The following SF3B2 variants were observed in gnomAD, a reference collection of about 807,000 sequenced individuals.
The protein encoded by SF3B2 is splicing factor 3b subunit 2.
Under a neutral mutation model 116.3 loss-of-function variants are expected in SF3B2, and 22 were observed. The ratio of observed to expected loss-of-function variants is 0.19; its 90% CI spans 0.14 to 0.27. The LOEUF is 0.27. Ranked by LOEUF, SF3B2 falls within the 10% of genes least tolerant of loss-of-function variation. The pLI is 1.00. For synonymous variants in SF3B2, 406 were observed against 421.6 expected, an observed-to-expected ratio of 0.96 and a Z score of 0.45; for missense variants, 767 against 1,151.4, an observed-to-expected ratio of 0.67 and a Z score of 4.83.
intron 19 of SF3B2, chr11:66,067,273 T>C (rs932953744): frequency 2.5e-6 from 1 of 392,694 alleles, no homozygotes; most frequent in Non-Finnish European, 5.1e-6. Context: ...ATGAACCCTT[T>C]AGGTCATGGT....
rs769074530 is a variant in SF3B2 at position 66,059,557 on chromosome 11, C to A, written c.1363C>A (p.Arg455Ser). 6.2e-7 allele frequency: 1 copy of A among 1,613,838 alleles called. No homozygotes were observed. The highest frequency in any genetic ancestry group is 8.5e-7 in the Non-Finnish European group (1 of 1,179,990). The change falls in exon 12 of 22, where the codon CGC becomes AGC. Residue 455 changes from arginine to serine, a missense_variant. By Grantham distance (110) the Arg-to-Ser change is moderately radical. Transcript: ENST00000322535. The surrounding 1 kb of genome is among the most constrained non-coding windows in gnomAD (Gnocchi z 5.0). ...EAPKLSKKKL[R>S]RMNRFTVAEL... ...CCCCAAGCTGTCCAAGAAGAAGTTG[C>A]GCCGAATGAACCGCTTCACTGTGGC...
Position 66,056,963 on chromosome 11 carries a change from C to T in SF3B2, c.667+8C>T. ...CTCCTCTGGGTCCTCGAGGTGAGAC[C>T]CTGGAACCGAGGGGAAGGGCAAGGA... is the stretch of plus-strand genomic sequence containing the variant. On this transcript the variant is annotated splice_region_variant and intron_variant, in intron 6 of 21. Coordinates refer to ENST00000322535, the MANE Select transcript of SF3B2 (RefSeq NM_006842.3). 3.8e-6 allele frequency: 6 copies of T among 1,596,542 alleles called. No individual in the cohort carries two copies. The South Asian group carries it at 6.6e-5, about 18-fold the overall frequency.
chr11:66,060,495 C>T (rs955471950), intron 13 of SF3B2, 87 bp from the exon 14 acceptor site: 1 of 1,492,930 alleles, frequency 6.7e-7, no homozygotes, highest in Admixed American at 1.8e-5. Flanking sequence ...TGAGGCTTCC[C>T]ATGATCTCAT....
intron 3 of SF3B2, chr11:66,053,428 C>A: frequency 5.6e-6 from 2 of 355,250 alleles, no homozygotes; most frequent in Non-Finnish European, 1.1e-5. Flanking sequence ...CCTGTAATCC[C>A]ACCACTTCGG....
In SF3B2 at chr11:66,063,418, G is replaced by A; in HGVS notation, c.2104G>A (p.Glu702Lys). Residue 702 changes from glutamate to lysine, a missense_variant, in exon 18 of 22, where the codon GAG (glutamate) becomes AAG (lysine). This residue lies in a region of SF3B2 where 282 missense variants were observed against 568.0 expected (regional missense o/e 0.50). Transcript: ENST00000322535. ...CTTTCAGACCAAGACTGAGGAAGAA[G>A]AGATTGATCGGACCCCTTGGGGGGA... is the stretch of plus-strand genomic sequence containing the variant. Reference protein sequence around the residue: ...AEFQTKTEEEEIDRTPWGELE... With the variant: ...AEFQTKTEEEKIDRTPWGELE... The A allele has an allele frequency of 6.2e-7, 1 of 1,613,454 alleles. No individual in the cohort carries two copies. The highest frequency in any genetic ancestry group is 8.5e-7 in the Non-Finnish European group (1 of 1,179,702).
chr11:66,058,332 C>T lies in SF3B2; in HGVS notation c.893C>T (p.Thr298Ile), dbSNP rs2135044680. 6.2e-7 allele frequency: 1 copy of T among 1,614,066 alleles called. No individual in the cohort carries two copies. Among genetic ancestry groups the T allele is most frequent in the East Asian group, 2.2e-5 (1 of 44,884 alleles). Reference protein sequence around the residue: ...NSQQEEEEMETDARSSLGQSA... With the variant: ...NSQQEEEEMEIDARSSLGQSA... ...CTTACAGAGGAAGAGGAAATGGAAA[C>T]AGATGCTCGCTCGTCCCTGGGCCAG... is the stretch of plus-strand genomic sequence containing the variant. Residue 298 changes from threonine (T) to isoleucine (I), a missense_variant, in exon 9 of 22, where the codon ACA becomes ATA. This residue lies in a region of SF3B2 where 455 missense variants were observed against 537.5 expected (regional missense o/e 0.85). Coordinates refer to ENST00000322535, the MANE Select transcript of SF3B2 (RefSeq NM_006842.3).
intron 19 of SF3B2, among the ~76,000 whole-genome samples, chr11:66,064,043 C>G (rs1857139336): frequency 6.6e-6 from 1 of 152,120 alleles, no homozygotes; most frequent in African/African-American, 2.4e-5. Flanking sequence ...AAGCGCCAGC[C>G]ACAGGATCAT....
At chr11:66,063,269 C>T (rs1031898201) in intron 17 of SF3B2, 131 bp from the exon 18 acceptor site, 2 of 1,055,962 alleles carry the variant, frequency 1.9e-6, no homozygotes, top group Non-Finnish European at 2.7e-6. Flanking sequence ...GTAAGCTCCT[C>T]ACTAGAATTT....
intron 3 of SF3B2, among the ~76,000 whole-genome samples, chr11:66,054,685 T>C (rs1269682270): frequency 2.0e-5 from 3 of 152,182 alleles, no homozygotes; most frequent in African/African-American, 7.2e-5. Context: ...TTCCTGTTTA[T>C]GTAAGTCCTC....
chr11:66,067,449 G>A, intron 19 of SF3B2: 1 of 456,318 alleles, frequency 2.2e-6, no homozygotes, highest in South Asian at 1.5e-5. Context: ...GGCATAGTCT[G>A]GGGTGATAGT....
chr11:66,067,217 C>T lies in SF3B2; in HGVS notation c.2331-729C>T, dbSNP rs1391854406. ...CAAGGAAGAAAAATAAAGAAGGGTA[C>T]TGTGGACAGAGTATAGTGAGGAGGG... On this transcript the variant is annotated intron_variant, in intron 19 of 21. Transcript: ENST00000322535. 5 of 326,694 alleles carry T rather than the reference C, an allele frequency of 1.5e-5. No homozygotes were observed. The Admixed American group carries it at 1.6e-4, about 10-fold the overall frequency. The allele number at this position is 326,694 out of a possible 1,614,324, so 20.2% of individuals were successfully genotyped here.
chr11:66,058,742 G>C (rs760944318), intron 9 of SF3B2, 88 bp from the exon 10 acceptor site: 3 of 1,124,578 alleles, frequency 2.7e-6, no homozygotes, highest in East Asian at 2.4e-5. Context: ...GTTGAACTGT[G>C]GGGGAGAATG....
Position 66,062,998 on chromosome 11 carries a change from C to T in SF3B2, c.1978-11C>T. ...CTAAGGAGTGAACTGATTGTGCTCA[C>T]TGTCTTGCAGAGCTGTTCCTTTGGG... is the stretch of plus-strand genomic sequence containing the variant. On this transcript the variant is annotated splice_polypyrimidine_tract_variant and intron_variant, in intron 16 of 21. Transcript: ENST00000322535. 1.2e-6 allele frequency: 2 copies of T among 1,601,738 alleles called. No homozygotes were observed. The highest frequency in any genetic ancestry group is 1.1e-5 in the South Asian group (1 of 90,040).
intron 19 of SF3B2, chr11:66,065,809 C>A (rs1335995839): frequency 6.6e-6 from 1 of 152,036 alleles, no homozygotes; most frequent in African/African-American, 2.4e-5. Flanking sequence ...TCTTTTAAAT[C>A]TATTCTTTCT....
At chr11:66,053,842 T>C (rs370548203) in intron 3 of SF3B2, 8 of 151,720 alleles carry the variant, frequency 5.3e-5, no homozygotes, top group African/African-American at 2.0e-4. Flanking sequence ...ATACTGCACA[T>C]GTACCCGAAA....
At chr11:66,063,349 A>G in intron 17 of SF3B2, 51 bp from the exon 18 acceptor site, 1 of 1,555,838 alleles carries the variant, frequency 6.4e-7, no homozygotes, top group Non-Finnish European at 8.7e-7. Flanking sequence ...AGCCTGGCAC[A>G]TAATAGGTAC....
At chr11:66,057,497 G>A in intron 7 of SF3B2, 122 bp downstream of exon 7, 1 of 646,724 alleles carries the variant, frequency 1.5e-6, no homozygotes, top group Non-Finnish European at 2.8e-6. Context: ...GGGGTAGTGG[G>A]GAGCCCTTCT....
At chr11:66,067,789 C>A (rs556650573) in intron 19 of SF3B2, 157 bp from the exon 20 acceptor site, 3 of 645,180 alleles carry the variant, frequency 4.6e-6, no homozygotes, top group Non-Finnish European at 8.1e-6. Context: ...CCGCCCAATT[C>A]TTTTCTGTCA....
At position 66,059,220 on chromosome 11, in the gene SF3B2, A is replaced by G. The variant is rs965194517; in HGVS notation, c.1202A>G (p.Lys401Arg). 6.2e-7 allele frequency: 1 copy of G among 1,614,122 alleles called. No individual in the cohort carries two copies. The highest frequency in any genetic ancestry group is 1.7e-5 in the Admixed American group (1 of 60,016). The change falls in exon 11 of 22, where the codon AAG (lysine) becomes AGG (arginine). Residue 401 changes from lysine (K) to arginine (R), a missense_variant. By Grantham distance (26) the Lys-to-Arg change is conservative. Transcript: ENST00000322535. The surrounding 1 kb of genome is among the most constrained non-coding windows in gnomAD (Gnocchi z 5.0). Reference sequence around the variant, plus strand: ...CCTTAGCTCACTGATGATGTGAAGAAGGAGAAAGAGAAGGAGCCAGAGAAA... The same window carrying G: ...CCTTAGCTCACTGATGATGTGAAGAGGGAGAAAGAGAAGGAGCCAGAGAAA... ...EAFKLTDDVK[K>R]EKEKEPEKLD... is the part of the protein sequence containing the mutation.
Sources: allele counts gnomAD v4.1 joint callset (sites outside exome capture counted in the v4.1 genomes callset), GRCh38; gene constraint gnomAD v4.1.1; regional missense constraint gnomAD v4.1.1; non-coding constraint Gnocchi (gnomAD v3.1); transcripts MANE v1.5; gene names NCBI Gene and HGNC (gene_info 2026-07-23, HGNC 2026-07-21).